Variants in MMD2 observed in about 807,000 individuals in gnomAD.
The protein encoded by MMD2 is monocyte to macrophage differentiation factor 2.
In MMD2, 30 loss-of-function variants were observed where a neutral mutation model predicts 33.5. The observed-to-expected ratio is 0.90, with a 90% CI of 0.67 to 1.22. MMD2 has a LOEUF of 1.22. Among genes scored for constraint, MMD2 ranks in the 50% most tolerant of loss-of-function variants. MMD2 has a pLI of 0.00. For synonymous variants in MMD2, 129 were observed against 123.0 expected (o/e 1.05, Z -0.32); for missense variants, 364 against 325.4 (o/e 1.12, Z -0.91).
chr7:4,925,565 G>T (rs746241495), intron 1 of MMD2, 33 bp from the exon 2 acceptor site: 11 of 1,515,832 alleles, frequency 7.3e-6, no homozygotes, highest in Non-Finnish European at 9.8e-6. Context: ...AGGAAGCTCC[G>T]CTGGGCAAGA....
At chr7:4,915,326 A>C (rs1375111249) in intron 4 of MMD2, among the ~76,000 whole-genome samples, 1 of 151,668 alleles carries the variant, frequency 6.6e-6, no homozygotes, top group African/African-American at 2.4e-5. Context: ...ATATTAAGTA[A>C]ATATAAATAT....
chr7:4,908,165 A>T (rs1784911308), intron 6 of MMD2, among the ~76,000 whole-genome samples: 1 of 145,740 alleles, frequency 6.9e-6, no homozygotes, highest in Non-Finnish European at 1.5e-5. Flanking sequence ...TTTTTTTGAG[A>T]CACAGTTGCT....
At chr7:4,949,287 AT>A (rs889798323) in intron 1 of MMD2, among the ~76,000 whole-genome samples, 3 of 151,916 alleles carry the variant, frequency 2.0e-5, no homozygotes, top group Non-Finnish European at 4.4e-5. Context: ...CATACTAACT[AT>A]TTTTTGGTAC....
At chr7:4,944,760 C>CTTA (rs753515128) in intron 1 of MMD2, among the ~76,000 whole-genome samples, 3 of 75,276 alleles carry the variant, frequency 4.0e-5, no homozygotes, top group African/African-American at 1.7e-4. Flanking sequence ...TCTTCTTCTT[C>CTTA]TTTTTTTTTT....
intron 1 of MMD2, among the ~76,000 whole-genome samples, chr7:4,938,655 C>T (rs1016814290): frequency 4.6e-5 from 7 of 152,154 alleles, no homozygotes; most frequent in African/African-American, 1.7e-4. Flanking sequence ...AGGGGCAAGG[C>T]CAGGTTGTCG....
chr7:4,935,266 T>C (rs1291288576), intron 1 of MMD2, among the ~76,000 whole-genome samples: 1 of 151,482 alleles, frequency 6.6e-6, no homozygotes, highest in Non-Finnish European at 1.5e-5. Context: ...GGCGAGAGGA[T>C]CATATGAGCC....
downstream of MMD2, among the ~76,000 whole-genome samples, chr7:4,902,765 A>G (rs542752576): frequency 6.6e-6 from 1 of 152,292 alleles, no homozygotes; most frequent in African/African-American, 2.4e-5. Flanking sequence ...CAAATTTGAC[A>G]GGTGCCCATC....
chr7:4,897,672 G>A, the MMD2 span, among the ~76,000 whole-genome samples: 1 of 152,136 alleles, frequency 6.6e-6, no homozygotes, highest in Non-Finnish European at 1.5e-5. Flanking sequence ...AAATGCTGAT[G>A]GAGGCAGAGT....
At chr7:4,937,316 G>C (rs1785768890) in intron 1 of MMD2, among the ~76,000 whole-genome samples, 1 of 151,646 alleles carries the variant, frequency 6.6e-6, no homozygotes, top group South Asian at 2.1e-4. Flanking sequence ...AGAATCACTT[G>C]AATCCGGGAG....
At chr7:4,918,803 T>G (rs1785204360) in intron 3 of MMD2, among the ~76,000 whole-genome samples, 1 of 151,986 alleles carries the variant, frequency 6.6e-6, no homozygotes, top group Admixed American at 6.6e-5. Context: ...TTTTTTTTTT[T>G]TTAATCAAAA....
rs1444444913 is a variant in MMD2 at position 4,946,113 on chromosome 7, A to C, written c.47+12858T>G. ...CGCACACACACGCATGCACACGCGC[A>C]CACGCACGCACACACCTGCACACGC... On this transcript the variant is annotated intron_variant, in intron 1 of 6. Transcript: ENST00000401401. The surrounding 1 kb of genome is among the most constrained non-coding windows in gnomAD (Gnocchi z 5.0). Among the ~76,000 whole-genome samples, 2 of 150,692 alleles carry C rather than the reference A, an allele frequency of 1.3e-5. No homozygotes were observed. The highest frequency in any genetic ancestry group is 4.9e-5 in the African/African-American group (2 of 40,956).
intron 4 of MMD2, among the ~76,000 whole-genome samples, chr7:4,913,142 C>A (rs914949309): frequency 4.6e-5 from 7 of 152,064 alleles, no homozygotes; most frequent in Non-Finnish European, 8.8e-5. Flanking sequence ...TCTCATTACC[C>A]AAAATAACCA....
chr7:4,899,518 C>T, the MMD2 span, among the ~76,000 whole-genome samples: 3 of 151,902 alleles, frequency 2.0e-5, no homozygotes, highest in African/African-American at 2.4e-5. Flanking sequence ...CTCCCGCGTA[C>T]CTGGGATTAC....
At chr7:4,939,812 C>T (rs962786205) in intron 1 of MMD2, among the ~76,000 whole-genome samples, 2 of 151,222 alleles carry the variant, frequency 1.3e-5, no homozygotes, top group Admixed American at 6.6e-5. Context: ...ACAATCTCGG[C>T]TCACTGCAAC....
chr7:4,929,416 C>A (rs1195921180), intron 1 of MMD2, among the ~76,000 whole-genome samples: 1 of 152,138 alleles, frequency 6.6e-6, no homozygotes, highest in African/African-American at 2.4e-5. Context: ...AAGCCCCCCC[C>A]AGGAGCCCAG....
chr7:4,907,426 G>A lies in MMD2; in HGVS notation c.711C>T (p.Pro237=), dbSNP rs1206587359. 5 of 1,613,768 alleles carry A rather than the reference G, an allele frequency of 3.1e-6. No homozygotes were observed. The highest frequency in any genetic ancestry group is 4.2e-6 in the Non-Finnish European group (5 of 1,179,908). ...TGGACACCTTGGTCTGCAGGGTGCT[G>A]GGCAGATAGAGGTACCTCCAGATGG... ...YYAIWRYLYL[P]STLQTKVSK Residue 237 remains proline, a synonymous_variant, in exon 7 of 7, where the codon CCC becomes CCT. Transcript: ENST00000401401.
At chr7:4,944,857 T>TCCCAGGTTCACACCATTATCCTGCCTC (rs2115147613) in intron 1 of MMD2, among the ~76,000 whole-genome samples, 1 of 131,862 alleles carries the variant, frequency 7.6e-6, no homozygotes, top group East Asian at 2.7e-4. Flanking sequence ...AAGCTCCGCC[T>TCCCAGGTTCACACCATTATCCTGCCTC]CCCAGGTTCA....
In MMD2 at chr7:4,907,399, T is replaced by C; in HGVS notation, c.738A>G (p.Lys246=). 1 of 1,613,696 alleles carries C rather than the reference T, an allele frequency of 6.2e-7. No homozygotes were observed. The highest frequency in any genetic ancestry group is 8.5e-7 in the Non-Finnish European group (1 of 1,179,872). ...GACCTCTCAAGTCTGGGTCACCTCA[T>C]TTGGACACCTTGGTCTGCAGGGTGC... ...LPSTLQTKVS[K] The change falls in exon 7 of 7, where the codon AAA becomes AAG. Residue 246 remains lysine, a synonymous_variant. Transcript: ENST00000401401.
At chr7:4,951,888 C>T (rs1397633432) in intron 1 of MMD2, among the ~76,000 whole-genome samples, 2 of 152,158 alleles carry the variant, frequency 1.3e-5, no homozygotes, top group African/African-American at 2.4e-5. Flanking sequence ...GTACGTGCTA[C>T]CATGCCCAGC....
Sources: allele counts gnomAD v4.1 joint callset (sites outside exome capture counted in the v4.1 genomes callset), GRCh38; gene constraint gnomAD v4.1.1; non-coding constraint Gnocchi (gnomAD v3.1); transcripts MANE v1.5; gene names NCBI Gene and HGNC (gene_info 2026-07-23, HGNC 2026-07-21).